ATCAY: variants seen among roughly 807,000 people sequenced by gnomAD.
ATCAY encodes the protein caytaxin.
Under a neutral mutation model 47.7 loss-of-function variants are expected in ATCAY, and 22 were observed. That is an observed-to-expected ratio of 0.46 (90% confidence interval 0.33 to 0.66). ATCAY has a LOEUF of 0.66. Among genes scored for constraint, ATCAY ranks in the 30% least tolerant of loss-of-function variants. The probability of loss-of-function intolerance (pLI) is 0.02; values close to 1 mark genes in which losing one functional copy is unlikely to be tolerated. For missense variants in ATCAY, 452 were observed against 515.0 expected (o/e 0.88, Z 1.18); for synonymous variants, 216 against 207.6 (o/e 1.04, Z -0.35).
chr19:3,883,108 AGGG>A (rs2038616838), intron 1 of ATCAY, among the ~76,000 whole-genome samples: 1 of 151,944 alleles, frequency 6.6e-6, no homozygotes, highest in African/African-American at 2.4e-5. Flanking sequence ...GTGGCCCGGC[AGGG>A]TGGCTCACAC....
intron 6 of ATCAY, among the ~76,000 whole-genome samples, chr19:3,909,106 A>G (rs11671125): frequency 0.23 from 20,893 of 92,482 alleles, 2,682 homozygotes; most frequent in East Asian, 0.48. Flanking sequence ...GCTCGGTGGC[A>G]GGCGCCTGTA....
rs148730261 is a variant in ATCAY, at chr19:3,883,693, G to A, written c.-41-2034G>A. On this transcript the variant is annotated intron_variant, in intron 1 of 12. Transcript: ENST00000450849. ...AATGCCAAGTGTCCCCTTGCAGCAGGGGAGGCAGAATTGTCCACAGGTGCA... is the reference window on the plus strand; with the variant it reads ...AATGCCAAGTGTCCCCTTGCAGCAGAGGAGGCAGAATTGTCCACAGGTGCA... Among the ~76,000 whole-genome samples, 1,117 of 152,294 alleles carry A rather than the reference G, an allele frequency of 7.3e-3. 20 individuals are homozygous for A. Among genetic ancestry groups the A allele is most frequent in the African/African-American group, 0.026 (1,084 of 41,556 alleles).
intron 9 of ATCAY, among the ~76,000 whole-genome samples, chr19:3,917,244 C>G (rs1010329923): frequency 6.6e-6 from 1 of 151,456 alleles, no homozygotes; most frequent in African/African-American, 2.4e-5. Context: ...TGAGTTCATG[C>G]CACTGCACTC....
chr19:3,927,544 G>T lies in ATCAY; in HGVS notation c.*2952G>T, dbSNP rs988646969. On this transcript the variant is annotated 3_prime_UTR_variant, in exon 13 of 13. Coordinates refer to ENST00000450849, the MANE Select transcript of ATCAY (RefSeq NM_033064.5). The stretch of plus-strand genomic sequence containing the variant: ...CTACCTGACCCAGAAGGTGCCTGCC[G>T]GCTAAACATTCTGCCCCCACCAGAA... 2.0e-5 allele frequency: 3 copies of T among 152,232 alleles called. No homozygotes were observed. The highest frequency in any genetic ancestry group is 7.2e-5 in the African/African-American group (3 of 41,442). 9.4% of individuals were successfully genotyped at this position (152,232 alleles called of 1,614,324 possible).
In ATCAY at chr19:3,880,812, A is replaced by T. The variant is rs1421014863; in HGVS notation, c.-238A>T. The T allele has an allele frequency of 2.0e-5, 3 of 147,660 alleles. No homozygotes were observed. Among genetic ancestry groups the T allele is most frequent in the African/African-American group, 7.7e-5 (3 of 39,006 alleles). The allele number at this position is 147,660 out of a possible 1,614,324, so 9.1% of individuals were successfully genotyped here. A position where few individuals can be genotyped will look rare whatever the true frequency, so the allele number is the denominator to read the frequency against. On this transcript the variant is annotated 5_prime_UTR_variant, in exon 1 of 13. Transcript: ENST00000450849. ...CCACCGCTAACCCTGCACCCCACCC[A>T]CCCCTGCACAAAAGAGCTGGCGGGC...
chr19:3,896,731 C>T (rs140641809), intron 2 of ATCAY, among the ~76,000 whole-genome samples: 40 of 152,270 alleles, frequency 2.6e-4, no homozygotes, highest in African/African-American at 7.7e-4. Flanking sequence ...TTTCCTCTGG[C>T]GGGAGGAGAT....
intron 1 of ATCAY, among the ~76,000 whole-genome samples, chr19:3,882,323 C>A (rs1555765264): frequency 6.6e-6 from 1 of 150,678 alleles, no homozygotes; most frequent in Non-Finnish European, 1.5e-5. Flanking sequence ...GATGCTTTAT[C>A]TTTTATTTTA....
intron 7 of ATCAY, 32 bp downstream of exon 7, chr19:3,909,649 G>A (rs777909590): frequency 6.4e-7 from 1 of 1,554,518 alleles, no homozygotes; most frequent in Non-Finnish European, 8.7e-7. Context: ...AAGCACAGTG[G>A]GGGCATGAAA....
chr19:3,907,614 A>G lies in ATCAY; in HGVS notation c.359-120A>G. The G allele has an allele frequency of 8.2e-7, 1 of 1,213,128 alleles. No homozygotes were observed. Among genetic ancestry groups the G allele is most frequent in the Non-Finnish European group, 1.2e-6 (1 of 862,486 alleles). 75.1% of individuals were successfully genotyped at this position (1,213,128 alleles called of 1,614,324 possible). On this transcript the variant is annotated intron_variant, in intron 4 of 12. Coordinates refer to ENST00000450849, the MANE Select transcript of ATCAY (RefSeq NM_033064.5). This position sits in a 1 kb window ranked among gnomAD's most constrained non-coding sequence, Gnocchi z 5.1. ...TCAGCAGGGCAGCCAGGTGGGGAGA[A>G]GCGAAGGACTTGTGGGTCCCGGCAG...
At chr19:3,917,426 T>C (rs1046212440) in intron 9 of ATCAY, among the ~76,000 whole-genome samples, 1 of 150,818 alleles carries the variant, frequency 6.6e-6, no homozygotes. Context: ...GTACTAAAAA[T>C]ACAAAAAATT....
intron 12 of ATCAY, chr19:3,922,088 C>T (rs931800713): frequency 2.0e-5 from 14 of 693,484 alleles, no homozygotes; most frequent in Non-Finnish European, 3.7e-5. Flanking sequence ...TGACCCAAGC[C>T]TTTCTAGCCA....
At chr19:3,916,159 T>C (rs1337578812) in intron 9 of ATCAY, among the ~76,000 whole-genome samples, 1 of 152,228 alleles carries the variant, frequency 6.6e-6, no homozygotes, top group Non-Finnish European at 1.5e-5. Context: ...TGTCCTTTTG[T>C]GTCTGACGTC....
chr19:3,910,971 ATGTGTGCACGTGTGTGCG>A, intron 8 of ATCAY, 82 bp downstream of exon 8: 2 of 1,466,748 alleles, frequency 1.4e-6, no homozygotes, highest in Non-Finnish European at 9.5e-7. Flanking sequence ...TTGTGTGTGC[ATGTGTGCACGTGTGTGCG>A]TGTGTGCATC....
At chr19:3,914,784 G>A (rs2038952717) in intron 9 of ATCAY, among the ~76,000 whole-genome samples, 1 of 150,592 alleles carries the variant, frequency 6.6e-6, no homozygotes, top group African/African-American at 2.4e-5. Flanking sequence ...TCGCACCACT[G>A]CACTCCAGCC....
chr19:3,911,035 C>T (rs2038918714), intron 8 of ATCAY, 146 bp downstream of exon 8: 2 of 873,690 alleles, frequency 2.3e-6, no homozygotes, highest in Admixed American at 2.1e-5. Flanking sequence ...GTTTGATGTG[C>T]ATGTTCCAGC....
intron 5 of ATCAY, among the ~76,000 whole-genome samples, 156 bp downstream of exon 5, chr19:3,908,075 C>T (rs952302439): frequency 9.2e-5 from 14 of 152,286 alleles, no homozygotes; most frequent in African/African-American, 2.6e-4. Context: ...GTCAGGGAGG[C>T]GCACTGGGGG....
intron 9 of ATCAY, among the ~76,000 whole-genome samples, chr19:3,916,142 C>T (rs2038964646): frequency 6.6e-6 from 1 of 152,204 alleles, no homozygotes. Context: ...TGGATCCACA[C>T]AGGATTTGTC....
rs776950708 is a variant in ATCAY at position 3,893,259 on chromosome 19, C to T, written c.77+7415C>T. The stretch of plus-strand genomic sequence containing the variant: ...CATGATCTCAGCTCACTGCAACCTC[C>T]GCCTCCTGGGTTCAAGCGACTCTCC... On this transcript the variant is annotated intron_variant, in intron 2 of 12. Transcript: ENST00000450849. Among the ~76,000 whole-genome samples, 3 of 151,570 alleles carry T rather than the reference C, an allele frequency of 2.0e-5. No homozygotes were observed. The East Asian group carries it at 5.8e-4, about 29-fold the overall frequency.
intron 1 of ATCAY, among the ~76,000 whole-genome samples, chr19:3,881,735 G>T (rs2038601534): frequency 6.6e-6 from 1 of 151,764 alleles, no homozygotes; most frequent in Admixed American, 6.6e-5. Flanking sequence ...AGTGTTCCTG[G>T]GGGCTGAGGT....
Sources: gnomAD v4.1 joint callset for allele counts (sites outside exome capture counted in the v4.1 genomes callset) on GRCh38, gnomAD v4.1.1 for gene constraint, Gnocchi (gnomAD v3.1) non-coding constraint, MANE v1.5 for transcripts, NCBI Gene and HGNC (gene_info 2026-07-23, HGNC 2026-07-21) for gene names.